The following ACBD7 variants were observed in gnomAD, a reference collection of about 807,000 sequenced individuals.
The protein encoded by ACBD7 is acyl-CoA binding domain containing 7, also known as acyl-CoA-binding domain-containing protein 7.
In ACBD7, 11 loss-of-function variants were observed where a neutral mutation model predicts 13.7. The observed-to-expected ratio is 0.80, with a 90% CI of 0.50 to 1.33. The LOEUF (loss-of-function observed/expected upper bound fraction) is 1.33, where lower values mean the gene tolerates loss of function less well. Among genes scored for constraint, ACBD7 ranks in the 40% most tolerant of loss-of-function variants. The pLI is 0.00. For synonymous variants in ACBD7, 43 were observed against 37.7 expected (o/e 1.14, Z -0.51); for missense variants, 111 against 103.0 (o/e 1.08, Z -0.33).
At chr10:15,078,809 TAGACATTGTTCAAACGG>T in intron 2 of ACBD7, 56 bp from the exon 3 acceptor site, 1 of 1,566,046 alleles carries the variant, frequency 6.4e-7, no homozygotes, top group Non-Finnish European at 8.7e-7. Context: ...TGCACTTCTA[TAGACATTGTTCAAACGG>T]AGTATATTAC....
At chr10:15,084,423 C>T (rs1223795362) in intron 1 of ACBD7, among the ~76,000 whole-genome samples, 1 of 152,104 alleles carries the variant, frequency 6.6e-6, no homozygotes, top group Non-Finnish European at 1.5e-5. Context: ...TTCTTGTTAC[C>T]AGTGGAGGGT....
intron 2 of ACBD7, 58 bp downstream of exon 2, chr10:15,078,865 C>T (rs4750594): frequency 0.14 from 164,251 of 1,203,248 alleles, 11,610 homozygotes; most frequent in Admixed American, 0.21. Context: ...ATATTATAAT[C>T]GCAATTAATA....
chr10:15,076,715 G>T lies in ACBD7; in HGVS notation c.*1815C>A. On this transcript the variant is annotated 3_prime_UTR_variant, in exon 4 of 4. Coordinates refer to ENST00000356189, the MANE Select transcript of ACBD7 (RefSeq NM_001039844.3). Reference sequence around the variant, plus strand: ...GATGGGGTTTTGCAATGTTGGTCAGGCTGGTCTCGAACTTCTGACCTCAGT... The same window carrying T: ...GATGGGGTTTTGCAATGTTGGTCAGTCTGGTCTCGAACTTCTGACCTCAGT... The T allele has an allele frequency of 5.8e-6, 5 of 868,886 alleles. No homozygotes were observed. Among genetic ancestry groups the T allele is most frequent in the Non-Finnish European group, 6.9e-6 (5 of 724,064 alleles). 53.8% of individuals were successfully genotyped at this position (868,886 alleles called of 1,614,324 possible).
chr10:15,077,375 A>G lies in ACBD7; in HGVS notation c.*1155T>C, dbSNP rs1251649199. 1 of 152,028 alleles carries G rather than the reference A, an allele frequency of 6.6e-6. No homozygotes were observed. Among genetic ancestry groups the G allele is most frequent in the Non-Finnish European group, 1.5e-5 (1 of 68,038 alleles). The allele number at this position is 152,028 out of a possible 1,614,324, so 9.4% of individuals were successfully genotyped here. ...AAAGATTTTTAAAGAACCCTCAGAA[A>G]CAAAAAAAAATACCACATGTTTTCA... On this transcript the variant is annotated 3_prime_UTR_variant, in exon 4 of 4. Transcript: ENST00000356189.
rs760065728 is a variant in ACBD7, at chr10:15,075,567, CAG to C, written c.*2961_*2962del. 1.2e-4 allele frequency among the ~76,000 whole-genome samples: 18 copies of C among 152,174 alleles called. No individual in the cohort carries two copies. Among genetic ancestry groups the C allele is most frequent in the Non-Finnish European group, 1.5e-4 (10 of 68,038 alleles). On this transcript the variant is annotated 3_prime_UTR_variant, in exon 4 of 4. Transcript: ENST00000356189. ...CATATTGGTGTTGCTACAATCAAGA[CAG>C]AACATTCCATCACTGCAGGATCATC... is the stretch of plus-strand genomic sequence containing the variant.
intron 1 of ACBD7, among the ~76,000 whole-genome samples, chr10:15,081,696 C>T (rs1844752218): frequency 6.6e-6 from 1 of 152,182 alleles, no homozygotes; most frequent in South Asian, 2.1e-4. Flanking sequence ...GAGTAAGCAG[C>T]CGGGCTCTCA....
chr10:15,084,436 C>A (rs959467022), intron 1 of ACBD7, among the ~76,000 whole-genome samples: 1 of 152,166 alleles, frequency 6.6e-6, no homozygotes, highest in East Asian at 1.9e-4. Context: ...TGGAGGGTGC[C>A]CAAGTTCTTG....
rs1398622501 is a variant in ACBD7 at position 15,075,978 on chromosome 10, A to C, written c.*2552T>G. ...AACAGAGTGACAGCCTGTCTCAACA[A>C]AAAAAAAAAAAAAAAAAAAGAAAAG... On this transcript the variant is annotated 3_prime_UTR_variant, in exon 4 of 4. Coordinates refer to ENST00000356189, the MANE Select transcript of ACBD7 (RefSeq NM_001039844.3). The C allele has an allele frequency of 4.2e-4, 18 of 42,892 alleles. No homozygotes were observed. The highest frequency in any genetic ancestry group is 4.0e-3 in the African/African-American group (13 of 3,212). 2.7% of individuals were successfully genotyped at this position (42,892 alleles called of 1,614,324 possible). A position where few individuals can be genotyped will look rare whatever the true frequency, so the allele number is the denominator to read the frequency against.
chr10:15,086,727 A>G (rs948963804), intron 1 of ACBD7, among the ~76,000 whole-genome samples: 3 of 152,088 alleles, frequency 2.0e-5, no homozygotes, highest in East Asian at 1.9e-4. Flanking sequence ...GATACAAAAA[A>G]GGAAAGCCTG....
At chr10:15,088,222 T>C (rs1323049474) in intron 1 of ACBD7, 1 of 156,478 alleles carries the variant, frequency 6.4e-6, no homozygotes, top group Admixed American at 6.5e-5. Context: ...GAAGGAATTA[T>C]CATTGGATTA....
intron 1 of ACBD7, among the ~76,000 whole-genome samples, chr10:15,081,635 A>T (rs1420587422): frequency 1.3e-5 from 2 of 152,214 alleles, no homozygotes; most frequent in African/African-American, 4.8e-5. Flanking sequence ...CAGCTACAGA[A>T]ATCAAATCTC....
chr10:15,087,210 G>T (rs758372429), intron 1 of ACBD7, among the ~76,000 whole-genome samples: 1 of 152,054 alleles, frequency 6.6e-6, no homozygotes, highest in Admixed American at 6.6e-5. Context: ...TCCACCACAA[G>T]CTTATCCTTA....
At chr10:15,084,529 CGAAAGTACA>C (rs1844787253) in intron 1 of ACBD7, among the ~76,000 whole-genome samples, 2 of 152,280 alleles carry the variant, frequency 1.3e-5, no homozygotes, top group South Asian at 4.1e-4. Flanking sequence ...TTACTGAAAG[CGAAAGTACA>C]TTCCACAGGG....
At chr10:15,080,844 G>A (rs1358969000) in intron 1 of ACBD7, among the ~76,000 whole-genome samples, 1 of 152,136 alleles carries the variant, frequency 6.6e-6, no homozygotes, top group South Asian at 2.1e-4. Flanking sequence ...AAACTAAACT[G>A]TGTCTTACCT....
rs564523578 is a variant in ACBD7 at position 15,084,043 on chromosome 10, C to T, written c.12+4674G>A. 3.3e-5 allele frequency among the ~76,000 whole-genome samples: 5 copies of T among 152,212 alleles called. 1 individual carries two copies. Among genetic ancestry groups the T allele is most frequent in the African/African-American group, 7.2e-5 (3 of 41,538 alleles). On this transcript the variant is annotated intron_variant, in intron 1 of 3. Coordinates refer to ENST00000356189, the MANE Select transcript of ACBD7 (RefSeq NM_001039844.3). Reference sequence around the variant, plus strand: ...CTGGGAACACAGGAGGTAGCACAGACGGGAAGGTACGGAACGGAAAAAGCC... The same window carrying T: ...CTGGGAACACAGGAGGTAGCACAGATGGGAAGGTACGGAACGGAAAAAGCC...
intron 1 of ACBD7, among the ~76,000 whole-genome samples, chr10:15,082,013 C>T (rs1188050699): frequency 6.6e-6 from 1 of 152,114 alleles, no homozygotes; most frequent in Admixed American, 6.6e-5. Context: ...CCAGGCTGGG[C>T]GCAGTGGCTC....
chr10:15,083,543 A>G (rs1225568269), intron 1 of ACBD7, among the ~76,000 whole-genome samples: 1 of 152,198 alleles, frequency 6.6e-6, no homozygotes, highest in Admixed American at 6.5e-5. Context: ...GTACAGCGGC[A>G]CAATCACGGC....
At chr10:15,084,258 C>G (rs896716339) in intron 1 of ACBD7, among the ~76,000 whole-genome samples, 1 of 152,180 alleles carries the variant, frequency 6.6e-6, no homozygotes, top group Non-Finnish European at 1.5e-5. Flanking sequence ...CGGGGCCTCA[C>G]GGACTGCTGG....
At chr10:15,082,201 G>A (rs1289776105) in intron 1 of ACBD7, among the ~76,000 whole-genome samples, 3 of 149,080 alleles carry the variant, frequency 2.0e-5, no homozygotes, top group Non-Finnish European at 3.0e-5. Flanking sequence ...CAGGAGAATC[G>A]CTTGAACCCT....
Sources: gnomAD v4.1 joint callset for allele counts (sites outside exome capture counted in the v4.1 genomes callset) on GRCh38, gnomAD v4.1.1 for gene constraint, MANE v1.5 for transcripts, NCBI Gene and HGNC (gene_info 2026-07-23, HGNC 2026-07-21) for gene names.